The following CFAP251 variants were observed in gnomAD, a reference collection of about 807,000 sequenced individuals.
CFAP251 encodes cilia- and flagella-associated protein 251.
In CFAP251, 93 loss-of-function variants were observed where a neutral mutation model predicts 126.7. That is an observed-to-expected ratio of 0.73 (90% confidence interval 0.62 to 0.87). The LOEUF is 0.87. CFAP251 is among the 40% of genes least tolerant of loss of function. The pLI is 0.00. For synonymous variants in CFAP251, 503 were observed against 506.9 expected, an observed-to-expected ratio of 0.99 and a Z score of 0.10; for missense variants, 1,287 against 1,389.2, an observed-to-expected ratio of 0.93 and a Z score of 1.17.
Position 121,949,007 on chromosome 12 carries a change from AAAT to A in CFAP251, c.1221_1223del (p.Asn407del), listed in dbSNP as rs746474570. On this transcript the variant is annotated inframe_deletion, in exon 8 of 22. Transcript: ENST00000288912. ...AGAACTACGTTACTTTTAACCCAAC[AAAT>A]AATAAAGAATTGGTGAGCAATAGTA... The A allele has an allele frequency of 6.3e-7, 1 of 1,585,318 alleles. No homozygotes were observed.
At chr12:121,992,969 C>CTCTCCG (rs1433651970) in intron 19 of CFAP251, among the ~76,000 whole-genome samples, 17 of 143,508 alleles carry the variant, frequency 1.2e-4, no homozygotes, top group Non-Finnish European at 1.9e-4. Context: ...CTCCCACTCC[C>CTCTCCG]TCTCCCTCTC....
intron 17 of CFAP251, chr12:121,969,663 AT>A (rs897156685): frequency 7.1e-5 from 61 of 855,040 alleles, no homozygotes; most frequent in Admixed American, 1.2e-4. Flanking sequence ...CTTTAAAAAA[AT>A]TTTTTTTGTC....
chr12:121,987,933 C>T (rs763868574), intron 19 of CFAP251, among the ~76,000 whole-genome samples: 2 of 151,942 alleles, frequency 1.3e-5, no homozygotes, highest in African/African-American at 2.4e-5. Context: ...TTCTGGCATC[C>T]AACACTGGTT....
chr12:121,921,509 G>C lies in CFAP251; in HGVS notation c.204G>C (p.Glu68Asp). The C allele has an allele frequency of 1.9e-6, 3 of 1,613,584 alleles. No individual in the cohort carries two copies. The highest frequency in any genetic ancestry group is 2.2e-5 in the South Asian group (2 of 91,042). Residue 68 changes from glutamate (E) to aspartate (D), a missense_variant, in exon 2 of 22, where the codon GAG (glutamate) becomes GAC (aspartate). Glu to Asp is a conservative substitution (Grantham distance 45). Coordinates refer to ENST00000288912, the MANE Select transcript of CFAP251 (RefSeq NM_144668.6). ...AGGAAGGGGAGGAGGAGGGGAAGGA[G>C]GACAAAAAGATTGTCATGGAAGAAA... ...GEEEGEEEGK[E>D]DKKIVMEETE... is the part of the protein sequence containing the mutation.
chr12:121,948,934 C>G, intron 7 of CFAP251, 50 bp from the exon 8 acceptor site: 1 of 1,136,174 alleles, frequency 8.8e-7, no homozygotes, highest in Non-Finnish European at 1.3e-6. Flanking sequence ...TTCAGCTTAA[C>G]CAGAAACAGA....
intron 19 of CFAP251, among the ~76,000 whole-genome samples, chr12:121,978,473 C>T (rs1882537761): frequency 1.5e-5 from 2 of 132,454 alleles, no homozygotes; most frequent in Non-Finnish European, 3.2e-5. Flanking sequence ...TTAACTTTTT[C>T]TAATTTAGAA....
At chr12:121,970,367 G>C (rs1440624457) in intron 17 of CFAP251, among the ~76,000 whole-genome samples, 1 of 152,144 alleles carries the variant, frequency 6.6e-6, no homozygotes. Flanking sequence ...CAAGAGCAGA[G>C]AGACCCCGAT....
chr12:121,985,295 A>G (rs1949556661), intron 19 of CFAP251, among the ~76,000 whole-genome samples: 1 of 152,132 alleles, frequency 6.6e-6, no homozygotes. Context: ...GCACTTTGGG[A>G]GGCCGAGGTG....
At chr12:121,992,592 C>G (rs887972233) in intron 19 of CFAP251, 21 of 772,048 alleles carry the variant, frequency 2.7e-5, no homozygotes, top group Admixed American at 6.3e-5. Context: ...CTTTTTCAGA[C>G]AGGGTCTTAC....
At chr12:121,961,540 G>A (rs1228982998) in intron 14 of CFAP251, among the ~76,000 whole-genome samples, 2 of 152,150 alleles carry the variant, frequency 1.3e-5, no homozygotes, top group Non-Finnish European at 2.9e-5. Flanking sequence ...AAGATAATAA[G>A]TGACACAGTA....
intron 5 of CFAP251, among the ~76,000 whole-genome samples, chr12:121,939,899 C>T (rs1476435976): frequency 6.6e-6 from 1 of 152,172 alleles, no homozygotes; most frequent in African/African-American, 2.4e-5. Flanking sequence ...TGGTTATTAA[C>T]TCCTTTTAAA....
chr12:121,932,096 G>T (rs906966566), intron 4 of CFAP251: 4 of 386,952 alleles, frequency 1.0e-5, no homozygotes, highest in Non-Finnish European at 1.8e-5. Context: ...AACAGCAGTT[G>T]ATATTAATTT....
Position 121,934,035 on chromosome 12 carries a change from T to A in CFAP251, c.889-212T>A, listed in dbSNP as rs114907666. On this transcript the variant is annotated intron_variant, in intron 4 of 21. Transcript: ENST00000288912. The stretch of plus-strand genomic sequence containing the variant: ...GGAGCCACTGTTCATGTAGGGAACT[T>A]ATCTTTCAGGTGTTTGGAGGGAGAG... 5.6e-3 allele frequency among the ~76,000 whole-genome samples: 848 copies of A among 152,214 alleles called. 6 individuals are homozygous for A. Among genetic ancestry groups the A allele is most frequent in the African/African-American group, 0.019 (787 of 41,506 alleles).
chr12:122,000,623 C>T (rs1291208858), intron 20 of CFAP251, among the ~76,000 whole-genome samples: 1 of 151,736 alleles, frequency 6.6e-6, no homozygotes, highest in Non-Finnish European at 1.5e-5. Context: ...AATGCAACCA[C>T]ACCAAAGTAA....
chr12:121,952,761 A>G (rs1881580139), intron 9 of CFAP251: 2 of 152,204 alleles, frequency 1.3e-5, no homozygotes, highest in African/African-American at 4.8e-5. Context: ...GCATGCCAAA[A>G]GACAAAAACA....
At chr12:121,948,213 A>G (rs1432814818) in intron 7 of CFAP251, 2 of 152,326 alleles carry the variant, frequency 1.3e-5, no homozygotes, top group East Asian at 1.9e-4. Flanking sequence ...AGCCCATGCT[A>G]TTCACCATCT....
intron 19 of CFAP251, among the ~76,000 whole-genome samples, chr12:121,994,171 C>CT (rs1882967796): frequency 2.8e-5 from 2 of 70,710 alleles, no homozygotes; most frequent in East Asian, 5.4e-4. Flanking sequence ...TCAGCCCCCC[C>CT]GCCCGGCCAG....
At chr12:121,993,336 G>A (rs1882924641) in intron 19 of CFAP251, among the ~76,000 whole-genome samples, 1 of 108,964 alleles carries the variant, frequency 9.2e-6, no homozygotes, top group Non-Finnish European at 1.9e-5. Context: ...CCTCCCAGCC[G>A]CCTGCCTTGG....
chr12:121,966,985 C>T lies in CFAP251; in HGVS notation c.2523C>T (p.Ser841=). ...CGCTTCTGGGGCCAGCTTATGGTTC[C>T]CCTATTGAGCAGACACAAGTCCTCC... ...RKTLLGPAYG[S]PIEQTQVLPV... is the part of the protein sequence containing the mutation. Residue 841 remains serine (S), a synonymous_variant, in exon 16 of 22, where the codon TCC becomes TCT. Transcript: ENST00000288912. 2 of 1,614,042 alleles carry T rather than the reference C, an allele frequency of 1.2e-6. No individual in the cohort carries two copies. Among genetic ancestry groups the T allele is most frequent in the East Asian group, 2.2e-5 (1 of 44,900 alleles).
Sources: gnomAD v4.1 joint callset for allele counts (sites outside exome capture counted in the v4.1 genomes callset) on GRCh38, gnomAD v4.1.1 for gene constraint, MANE v1.5 for transcripts, NCBI Gene and HGNC (gene_info 2026-07-23, HGNC 2026-07-21) for gene names.